The following RAI1 variants were observed in gnomAD, a reference collection of about 807,000 sequenced individuals.
RAI1 encodes retinoic acid-induced protein 1.
In RAI1, 9 loss-of-function variants were observed where a neutral mutation model predicts 123.8. That is an observed-to-expected ratio of 0.07 (90% CI 0.04 to 0.13). The LOEUF (loss-of-function observed/expected upper bound fraction) is 0.13, where lower values mean the gene tolerates loss of function less well. RAI1 is among the 10% of genes least tolerant of loss of function. The probability of loss-of-function intolerance (pLI) is 1.00; values close to 1 mark genes in which losing one functional copy is unlikely to be tolerated. For missense variants in RAI1, 2,256 were observed against 2,545.8 expected (o/e 0.89, Z 2.45); for synonymous variants, 1,231 against 1,127.3 (o/e 1.09, Z -1.84).
intron 4 of RAI1, among the ~76,000 whole-genome samples, chr17:17,806,956 C>T (rs1338316791): frequency 6.6e-6 from 1 of 152,126 alleles, no homozygotes; most frequent in Non-Finnish European, 1.5e-5. Context: ...TTCCCTTTGG[C>T]CACACGGCAG....
At chr17:17,805,950 A>G (rs2143005658) in intron 4 of RAI1, among the ~76,000 whole-genome samples, 1 of 152,232 alleles carries the variant, frequency 6.6e-6, no homozygotes, top group Non-Finnish European at 1.5e-5. Flanking sequence ...TGGCTGCCTC[A>G]CCCACAGCAC....
Position 17,811,258 on chromosome 17 carries a change from TATATATA to T in RAI1, c.*1285_*1291del, listed in dbSNP as rs758837168. On this transcript the variant is annotated 3_prime_UTR_variant, in exon 6 of 6. Transcript: ENST00000353383. Reference sequence around the variant, plus strand: ...GTGTATATATATGTATACATATACATATATATAATATATATGAAGACTGTAAATGTTA... The same window carrying T: ...GTGTATATATATGTATACATATACATATATATATGAAGACTGTAAATGTTA... The T allele has an allele frequency of 3.1e-6, 1 of 325,508 alleles. No individual in the cohort carries two copies. Among genetic ancestry groups the T allele is most frequent in the Non-Finnish European group, 6.0e-6 (1 of 167,024 alleles). The allele number at this position is 325,508 out of a possible 1,614,324, so 20.2% of individuals were successfully genotyped here.
At chr17:17,735,109 A>G (rs943998064) in intron 2 of RAI1, among the ~76,000 whole-genome samples, 7 of 151,894 alleles carry the variant, frequency 4.6e-5, no homozygotes, top group Middle Eastern at 3.4e-3. Flanking sequence ...CTGGAGTGCA[A>G]TGGCATGATC....
intron 2 of RAI1, among the ~76,000 whole-genome samples, chr17:17,762,353 G>T (rs2030740242): frequency 6.6e-6 from 1 of 152,140 alleles, no homozygotes; most frequent in African/African-American, 2.4e-5. Context: ...CATGGCATGT[G>T]TGAGGAGCCA....
intron 2 of RAI1, among the ~76,000 whole-genome samples, chr17:17,730,244 G>T (rs566093185): frequency 2.1e-4 from 32 of 152,238 alleles, no homozygotes; most frequent in Non-Finnish European, 4.6e-4. Flanking sequence ...GGCCTGAAAT[G>T]CTTCCGTTAG....
chr17:17,792,030 C>T (rs1337436065), intron 2 of RAI1, among the ~76,000 whole-genome samples: 2 of 152,150 alleles, frequency 1.3e-5, no homozygotes, highest in Non-Finnish European at 2.9e-5. Context: ...AGGGCTGTGT[C>T]GCCCCATGTG....
chr17:17,758,720 G>A (rs1043697932), intron 2 of RAI1, among the ~76,000 whole-genome samples: 1 of 152,192 alleles, frequency 6.6e-6, no homozygotes, highest in African/African-American at 2.4e-5. Context: ...AATGATCAAC[G>A]TATGTACGAG....
Position 17,794,696 on chromosome 17 carries a change from G to A in RAI1, c.1748G>A (p.Ser583Asn), listed in dbSNP as rs1057519065. The part of the protein sequence containing the change: ...QSLHGSLPLD[S>N]FSKFVAGERD... ...CTACACGGCAGTCTGCCGCTCGACA[G>A]CTTCTCCAAGTTCGTGGCGGGTGAG... Residue 583 changes from serine to asparagine, a missense_variant, in exon 3 of 6, where the codon AGC becomes AAC. Physicochemically the swap from Ser to Asn is conservative, Grantham distance 46. Transcript: ENST00000353383. 1 of 1,612,948 alleles carries A rather than the reference G, an allele frequency of 6.2e-7. No individual in the cohort carries two copies. Among genetic ancestry groups the A allele is most frequent in the Non-Finnish European group, 8.5e-7 (1 of 1,180,040 alleles).
Position 17,793,481 on chromosome 17 carries a change from C to T in RAI1, c.533C>T (p.Pro178Leu), listed in dbSNP as rs764907726. The T allele has an allele frequency of 7.4e-6, 12 of 1,613,768 alleles. No individual in the cohort carries two copies. The highest frequency in any genetic ancestry group is 4.4e-5 in the South Asian group (4 of 91,090). Residue 178 changes from proline to leucine, a missense_variant, in exon 3 of 6, where the codon CCG becomes CTG. This residue lies in a region of RAI1 where 336 missense variants were observed against 349.8 expected (regional missense o/e 0.96). Transcript: ENST00000353383. ...TCCCTGCACGTCCAGCAGCCACCGC[C>T]GCCCCAGCAGCCCCTGGCATACCCC... ...THSLHVQQPP[P>L]PQQPLAYPKL...
intron 1 of RAI1, among the ~76,000 whole-genome samples, chr17:17,691,630 C>G (rs78801951): frequency 0.023 from 3,511 of 152,250 alleles, 123 homozygotes; most frequent in East Asian, 0.13. Flanking sequence ...TACCAGGCAC[C>G]TGGTGTGTGC....
intron 1 of RAI1, among the ~76,000 whole-genome samples, chr17:17,702,929 C>T (rs117012348): frequency 0.012 from 1,856 of 152,320 alleles, 10 homozygotes; most frequent in Non-Finnish European, 0.02. Flanking sequence ...CGGAGCTGTG[C>T]GGCATCAGTA....
chr17:17,810,038 A>G lies in RAI1; in HGVS notation c.*57A>G. On this transcript the variant is annotated 3_prime_UTR_variant, in exon 6 of 6. Transcript: ENST00000353383. The surrounding 1 kb of genome is among the most constrained non-coding windows in gnomAD (Gnocchi z 4.6). ...GAGCCCGCCTGCCCGCCCGCCGCCG[A>G]AGGAGAGGAGCCGCCTGCGCAGCCC... is the stretch of plus-strand genomic sequence containing the variant. The G allele has an allele frequency of 6.5e-7, 1 of 1,541,634 alleles. No homozygotes were observed. The highest frequency in any genetic ancestry group is 8.7e-7 in the Non-Finnish European group (1 of 1,143,968).
rs750349377 is a variant in RAI1, at chr17:17,793,990, C to T, written c.1042C>T (p.Arg348Cys). The change falls in exon 3 of 6, where the codon CGC becomes TGC. Residue 348 changes from arginine to cysteine, a missense_variant. Arg to Cys is a radical substitution (Grantham distance 180). Coordinates refer to ENST00000353383, the MANE Select transcript of RAI1 (RefSeq NM_030665.4). Reference protein sequence around the residue: ...FSPSSSHSPARSVGRSPSYSS... With the variant: ...FSPSSSHSPACSVGRSPSYSS... ...CCCCAGCTCCAGCCACTCACCCGCCCGCTCCGTGGGCCGCTCACCTTCCTA... is the reference window on the plus strand; with the variant it reads ...CCCCAGCTCCAGCCACTCACCCGCCTGCTCCGTGGGCCGCTCACCTTCCTA... The T allele has an allele frequency of 9.9e-6, 16 of 1,613,874 alleles. No homozygotes were observed. Among genetic ancestry groups the T allele is most frequent in the East Asian group, 4.5e-5 (2 of 44,884 alleles).
intron 1 of RAI1, among the ~76,000 whole-genome samples, chr17:17,689,069 C>T (rs185822637): frequency 1.6e-3 from 236 of 152,156 alleles, no homozygotes; most frequent in African/African-American, 5.5e-3. Flanking sequence ...ATTTCTCCTG[C>T]CTCAGCCTCC....
intron 2 of RAI1, among the ~76,000 whole-genome samples, chr17:17,727,861 AG>A (rs990518679): frequency 3.9e-5 from 6 of 152,088 alleles, no homozygotes; most frequent in Non-Finnish European, 8.8e-5. Flanking sequence ...CCCGGGGAGA[AG>A]GGAAGGAGAG....
rs1256759238 is a variant in RAI1 at position 17,797,904 on chromosome 17, C to G, written c.4956C>G (p.Leu1652=). 6.8e-6 allele frequency: 11 copies of G among 1,614,030 alleles called. No individual in the cohort carries two copies. The highest frequency in any genetic ancestry group is 9.3e-6 in the Non-Finnish European group (11 of 1,180,020). ...LDAAGASLAT[L]PGGSILQPRP... ...CAGCCGGGGCCTCCCTGGCCACACT[C>G]CCTGGAGGCTCCATCCTGCAGCCGC... Residue 1652 remains leucine (L), a synonymous_variant, in exon 3 of 6, where the codon CTC becomes CTG. Transcript: ENST00000353383.
At chr17:17,808,990 C>T (rs933206884) in intron 4 of RAI1, among the ~76,000 whole-genome samples, 16 of 152,010 alleles carry the variant, frequency 1.1e-4, no homozygotes, top group African/African-American at 3.6e-4. Context: ...CCTCTGGGAG[C>T]TTGCCTGCCA....
At chr17:17,730,429 G>T (rs1412723193) in intron 2 of RAI1, among the ~76,000 whole-genome samples, 3 of 152,262 alleles carry the variant, frequency 2.0e-5, no homozygotes, top group African/African-American at 4.8e-5. Context: ...CCCTCATGGG[G>T]CGCGGTAGCT....
intron 2 of RAI1, among the ~76,000 whole-genome samples, chr17:17,791,125 G>A (rs1391926866): frequency 2.0e-5 from 3 of 152,156 alleles, no homozygotes; most frequent in African/African-American, 2.4e-5. Context: ...GGCTCGCCTC[G>A]TGGGAAAGTG....
Sources: gnomAD v4.1 joint callset for allele counts (sites outside exome capture counted in the v4.1 genomes callset) on GRCh38, gnomAD v4.1.1 for gene constraint, gnomAD v4.1.1 regional missense constraint, Gnocchi (gnomAD v3.1) non-coding constraint, MANE v1.5 for transcripts, NCBI Gene and HGNC (gene_info 2026-07-23, HGNC 2026-07-21) for gene names.